Variants in FBXW7 observed in about 807,000 individuals in gnomAD.
FBXW7 encodes the protein F-box and WD repeat domain containing 7, also known as F-box/WD repeat-containing protein 7.
Under a neutral mutation model 86.3 loss-of-function variants are expected in FBXW7, and 11 were observed. The ratio of observed to expected loss-of-function variants is 0.13; its 90% CI spans 0.08 to 0.21. The LOEUF is 0.21. Ranked by LOEUF, FBXW7 falls within the 10% of genes least tolerant of loss-of-function variation. The probability of loss-of-function intolerance (pLI) is 1.00; values close to 1 mark genes in which losing one functional copy is unlikely to be tolerated. For synonymous variants in FBXW7, 313 were observed against 297.9 expected, an observed-to-expected ratio of 1.05 and a Z score of -0.52; for missense variants, 488 against 847.4, an observed-to-expected ratio of 0.58 and a Z score of 5.27.
chr4:152,399,991 C>T (rs1455116818), intron 4 of FBXW7, among the ~76,000 whole-genome samples: 1 of 152,080 alleles, frequency 6.6e-6, no homozygotes, highest in Non-Finnish European at 1.5e-5. Flanking sequence ...CCAGAATAGC[C>T]AAAACGATAC....
At chr4:152,521,387 G>C (rs1748997669) in intron 2 of FBXW7, among the ~76,000 whole-genome samples, 1 of 152,088 alleles carries the variant, frequency 6.6e-6, no homozygotes, top group Non-Finnish European at 1.5e-5. Flanking sequence ...GCAAGGTGTA[G>C]AGACAAATAT....
intron 2 of FBXW7, among the ~76,000 whole-genome samples, chr4:152,526,577 C>T (rs917357555): frequency 3.3e-5 from 5 of 152,096 alleles, no homozygotes; most frequent in African/African-American, 4.8e-5. Context: ...AAAATTATTT[C>T]GATCTTAATT....
At chr4:152,477,026 T>C (rs1203112329) in intron 2 of FBXW7, among the ~76,000 whole-genome samples, 2 of 151,250 alleles carry the variant, frequency 1.3e-5, no homozygotes, top group Non-Finnish European at 2.9e-5. Context: ...TTCACACTAC[T>C]ATATGGGAAC....
At chr4:152,405,693 T>C (rs1737365013) in intron 4 of FBXW7, among the ~76,000 whole-genome samples, 1 of 152,196 alleles carries the variant, frequency 6.6e-6, no homozygotes, top group Non-Finnish European at 1.5e-5. Context: ...GACCCTCCAA[T>C]TTTTATCTTA....
At chr4:152,410,878 C>T (rs1039518903) in intron 4 of FBXW7, among the ~76,000 whole-genome samples, 1 of 152,104 alleles carries the variant, frequency 6.6e-6, no homozygotes, top group South Asian at 2.1e-4. Flanking sequence ...GAGGCAACTT[C>T]TGAGTAATTT....
chr4:152,333,347 G>A (rs1195202472), intron 7 of FBXW7, among the ~76,000 whole-genome samples: 1 of 151,890 alleles, frequency 6.6e-6, no homozygotes, highest in Non-Finnish European at 1.5e-5. Flanking sequence ...TTCTTGATGG[G>A]CCACATAAGA....
chr4:152,375,683 T>C (rs957477158), intron 4 of FBXW7, among the ~76,000 whole-genome samples: 6 of 152,108 alleles, frequency 3.9e-5, no homozygotes, highest in Non-Finnish European at 7.4e-5. Flanking sequence ...AATGATACAG[T>C]ATCAGCTAAG....
intron 11 of FBXW7, 101 bp from the exon 12 acceptor site, chr4:152,326,332 A>T: frequency 7.0e-5 from 50 of 717,390 alleles, no homozygotes; most frequent in Non-Finnish European, 8.4e-5. Context: ...AAGGTTTTTT[A>T]GCTTTTTTTT....
chr4:152,451,383 T>G (rs1218877741), intron 2 of FBXW7, among the ~76,000 whole-genome samples: 1 of 152,200 alleles, frequency 6.6e-6, no homozygotes, highest in Non-Finnish European at 1.5e-5. Context: ...TCTTAAATGG[T>G]AGTCTAAAAG....
Position 152,535,805 on chromosome 4 carries a change from C to T in FBXW7, c.-891G>A, listed in dbSNP as rs1561014778. ...GCCGCCTCCCTGCCCCCCAAGCCGC[C>T]GGCTCCGGCTCAGGCTCGGGCTCCG... On this transcript the variant is annotated 5_prime_UTR_variant, in exon 1 of 14. Coordinates refer to ENST00000281708, the MANE Select transcript of FBXW7 (RefSeq NM_001349798.2). The T allele has an allele frequency of 2.5e-6, 1 of 392,928 alleles. No individual in the cohort carries two copies. Among genetic ancestry groups the T allele is most frequent in the African/African-American group, 2.1e-5 (1 of 48,306 alleles). The allele number at this position is 392,928 out of a possible 1,614,324, so 24.3% of individuals were successfully genotyped here.
chr4:152,404,550 TAAATA>T (rs1737240868), intron 4 of FBXW7, among the ~76,000 whole-genome samples: 1 of 152,234 alleles, frequency 6.6e-6, no homozygotes, highest in African/African-American at 2.4e-5. Flanking sequence ...TCCTATATTT[TAAATA>T]AAATATTTTT....
intron 4 of FBXW7, among the ~76,000 whole-genome samples, chr4:152,384,407 TAAGTAAA>T: frequency 6.6e-6 from 1 of 152,220 alleles, no homozygotes; most frequent in Middle Eastern, 3.4e-3. Flanking sequence ...GATACTATAC[TAAGTAAA>T]ATAAGTCAGT....
intron 2 of FBXW7, among the ~76,000 whole-genome samples, chr4:152,509,606 TAA>T (rs1363448319): frequency 1.3e-5 from 2 of 152,210 alleles, no homozygotes; most frequent in Non-Finnish European, 2.9e-5. Context: ...GGAATAAAGA[TAA>T]GTCGATAACA....
At chr4:152,359,800 T>C (rs906289203) in intron 4 of FBXW7, among the ~76,000 whole-genome samples, 4 of 151,732 alleles carry the variant, frequency 2.6e-5, no homozygotes, top group Non-Finnish European at 5.9e-5. Flanking sequence ...AAGAAACAAA[T>C]AGAAAGCAAT....
intron 2 of FBXW7, among the ~76,000 whole-genome samples, chr4:152,479,787 C>T (rs2149667195): frequency 6.6e-6 from 1 of 152,258 alleles, no homozygotes; most frequent in East Asian, 1.9e-4. Context: ...AGATCTATTG[C>T]AAAGGCACAT....
chr4:152,419,494 AACACACAC>A (rs57894523), intron 2 of FBXW7, among the ~76,000 whole-genome samples: 88 of 123,344 alleles, frequency 7.1e-4, no homozygotes, highest in East Asian at 5.7e-3. Flanking sequence ...GGATAAGGTA[AACACACAC>A]ACACACACAC....
intron 2 of FBXW7, among the ~76,000 whole-genome samples, chr4:152,529,002 A>G (rs928934241): frequency 6.6e-6 from 1 of 152,104 alleles, no homozygotes; most frequent in Non-Finnish European, 1.5e-5. Context: ...GTCTAAGAAC[A>G]GGACAAATTA....
chr4:152,323,619 G>GA (rs1341661800), intron 13 of FBXW7: 40 of 173,678 alleles, frequency 2.3e-4, no homozygotes, highest in Admixed American at 5.5e-5. Flanking sequence ...TGGCCCCACT[G>GA]AAAAAAACAC....
intron 6 of FBXW7, among the ~76,000 whole-genome samples, chr4:152,340,506 G>A (rs921313605): frequency 1.3e-5 from 2 of 149,720 alleles, no homozygotes; most frequent in African/African-American, 4.9e-5. Context: ...GTGAACCCGG[G>A]AGGAGCTTGC....
Sources: allele counts gnomAD v4.1 joint callset (sites outside exome capture counted in the v4.1 genomes callset), GRCh38; gene constraint gnomAD v4.1.1; transcripts MANE v1.5; gene names NCBI Gene and HGNC (gene_info 2026-07-23, HGNC 2026-07-21).